The following ZSCAN20 variants were observed in gnomAD, a reference collection of about 807,000 sequenced individuals.
The protein encoded by ZSCAN20 is zinc finger and SCAN domain containing 20, also known as zinc finger and SCAN domain-containing protein 20.
Under a neutral mutation model 97.1 loss-of-function variants are expected in ZSCAN20, and 39 were observed. The observed-to-expected ratio is 0.40, with a 90% confidence interval of 0.31 to 0.52. ZSCAN20 has a LOEUF of 0.52. Among genes scored for constraint, ZSCAN20 ranks in the 20% least tolerant of loss-of-function variants. The pLI, the probability that ZSCAN20 is intolerant of heterozygous loss-of-function variation, is 0.49. For missense variants in ZSCAN20, 1,115 were observed against 1,290.4 expected, an observed-to-expected ratio of 0.86 and a Z score of 2.08; for synonymous variants, 456 against 467.3, an observed-to-expected ratio of 0.98 and a Z score of 0.31.
rs772315791 is a variant in ZSCAN20, at chr1:33,495,104, C to T, written c.2760C>T (p.Asn920=). The change falls in exon 8 of 8, where the codon AAC becomes AAT. Residue 920 remains asparagine, a synonymous_variant. Coordinates refer to ENST00000684572, the MANE Select transcript of ZSCAN20 (RefSeq NM_001377376.1). ...KSFSKSSTLA[N]HQRTHTGEKP... ...TCAGTAAGAGCTCCACCCTGGCCAACCACCAGCGCACCCACACTGGAGAGA... is the reference window on the plus strand; with the variant it reads ...TCAGTAAGAGCTCCACCCTGGCCAATCACCAGCGCACCCACACTGGAGAGA... The T allele has an allele frequency of 6.2e-7, 1 of 1,612,726 alleles. No homozygotes were observed. Among genetic ancestry groups the T allele is most frequent in the Non-Finnish European group, 8.5e-7 (1 of 1,179,044 alleles).
intron 2 of ZSCAN20, among the ~76,000 whole-genome samples, chr1:33,485,393 A>T (rs1652322513): frequency 6.6e-6 from 1 of 151,776 alleles, no homozygotes; most frequent in Non-Finnish European, 1.5e-5. Flanking sequence ...TGATATTAAT[A>T]ATTTGTCTTC....
Position 33,495,407 on chromosome 1 carries a change from CAA to C in ZSCAN20, c.3065_3066del (p.Lys1022ArgfsTer52). 3.1e-6 allele frequency: 5 copies of C among 1,597,098 alleles called. No individual in the cohort carries two copies. Among genetic ancestry groups the C allele is most frequent in the Non-Finnish European group, 4.3e-6 (5 of 1,171,284 alleles). ...AACCCTACAAGTGCACAGAGTGTGG[CAA>C]AGACTTCAACAACAGTTCCCACTTC... ...EKPYKCTECG[K>X]DFNNSSHFSA... On this transcript the variant is annotated frameshift_variant, in exon 8 of 8. Coordinates refer to ENST00000684572, the MANE Select transcript of ZSCAN20 (RefSeq NM_001377376.1). LOFTEE classifies it high-confidence loss of function.
intron 2 of ZSCAN20, among the ~76,000 whole-genome samples, chr1:33,487,867 G>A (rs1652431558): frequency 6.6e-6 from 1 of 151,954 alleles, no homozygotes; most frequent in Non-Finnish European, 1.5e-5. Flanking sequence ...GCCCAGGCTG[G>A]TCTTGAACCC....
At chr1:33,475,047 G>A (rs1651868391) in intron 1 of ZSCAN20, among the ~76,000 whole-genome samples, 1 of 152,196 alleles carries the variant, frequency 6.6e-6, no homozygotes, top group Admixed American at 6.5e-5. Context: ...CTGATTAGTG[G>A]CAGGAGTGGA....
At position 33,491,734 on chromosome 1, in the gene ZSCAN20, T is replaced by C; in HGVS notation, c.1444+32T>C. The C allele has an allele frequency of 6.5e-7, 1 of 1,528,926 alleles. No homozygotes were observed. The highest frequency in any genetic ancestry group is 8.8e-7 in the Non-Finnish European group (1 of 1,140,126). 94.7% of individuals were successfully genotyped at this position (1,528,926 alleles called of 1,614,324 possible). On this transcript the variant is annotated intron_variant, in intron 6 of 7. Transcript: ENST00000684572. The surrounding 1 kb of genome is among the most constrained non-coding windows in gnomAD (Gnocchi z 4.3). Reference sequence around the variant, plus strand: ...ACATGGGGGTTTAGTCAGATTCAGATTTCCAACCCTCCTACCAGCTAGACT... The same window carrying C: ...ACATGGGGGTTTAGTCAGATTCAGACTTCCAACCCTCCTACCAGCTAGACT...
At chr1:33,479,836 A>G in intron 2 of ZSCAN20, 131 bp downstream of exon 2, 2 of 984,882 alleles carry the variant, frequency 2.0e-6, no homozygotes, top group Non-Finnish European at 2.9e-6. Flanking sequence ...ATTGACCACT[A>G]CTGTATACCA....
At position 33,489,113 on chromosome 1, in the gene ZSCAN20, A is replaced by G; in HGVS notation, c.605-2A>G. ...GTTTCAGTGACTTTTTCTTTTCCTC[A>G]GCTGTCCTCACTCCCCGAGTCCCTA... On this transcript the variant is annotated splice_acceptor_variant, in intron 3 of 7. Transcript: ENST00000684572. LOFTEE classifies it high-confidence loss of function. 2.5e-6 allele frequency: 4 copies of G among 1,609,654 alleles called. No homozygotes were observed. The highest frequency in any genetic ancestry group is 3.4e-6 in the Non-Finnish European group (4 of 1,176,906).
intron 2 of ZSCAN20, among the ~76,000 whole-genome samples, chr1:33,484,070 A>G (rs918275163): frequency 6.6e-6 from 1 of 152,238 alleles, no homozygotes; most frequent in Non-Finnish European, 1.5e-5. Flanking sequence ...CAGCCTTGCT[A>G]TAACTGCTTA....
chr1:33,473,592 A>T (rs1019949109), intron 1 of ZSCAN20, among the ~76,000 whole-genome samples: 1 of 152,126 alleles, frequency 6.6e-6, no homozygotes, highest in Non-Finnish European at 1.5e-5. Flanking sequence ...TTGGTTTTCC[A>T]TCATTATATA....
chr1:33,493,663 GA>G lies in ZSCAN20; in HGVS notation c.1873+49del, dbSNP rs757098795. On this transcript the variant is annotated intron_variant, in intron 7 of 7. Coordinates refer to ENST00000684572, the MANE Select transcript of ZSCAN20 (RefSeq NM_001377376.1). The surrounding 1 kb of genome is among the most constrained non-coding windows in gnomAD (Gnocchi z 4.3). Reference sequence around the variant, plus strand: ...TTCTCAAAATCTGTGGGCATGTGGAGAGAATGAGGAAGCCAGGCTCATTATC... The same window carrying G: ...TTCTCAAAATCTGTGGGCATGTGGAGGAATGAGGAAGCCAGGCTCATTATC... The G allele has an allele frequency of 6.7e-7, 1 of 1,498,244 alleles. No individual in the cohort carries two copies. 92.8% of individuals were successfully genotyped at this position (1,498,244 alleles called of 1,614,324 possible). A position where few individuals can be genotyped will look rare whatever the true frequency, so the allele number is the denominator to read the frequency against.
chr1:33,489,165 G>A lies in ZSCAN20; in HGVS notation c.655G>A (p.Asp219Asn). ...PTLPKMGSVG[D>N]WEVTAESQEA... ...TCTCCCAAAGATGGGGAGCGTTGGAGATTGGGAGGTGACAGCTGAGTCCCA... is the reference window on the plus strand; with the variant it reads ...TCTCCCAAAGATGGGGAGCGTTGGAAATTGGGAGGTGACAGCTGAGTCCCA... Residue 219 changes from aspartate to asparagine, a missense_variant, in exon 4 of 8, where the codon GAT becomes AAT. Asp to Asn is a conservative substitution (Grantham distance 23). Transcript: ENST00000684572. 2 of 1,613,880 alleles carry A rather than the reference G, an allele frequency of 1.2e-6. No individual in the cohort carries two copies.
In ZSCAN20 at chr1:33,498,063, G is replaced by A. The variant is rs1176352920; in HGVS notation, c.*2587G>A. 6.6e-6 allele frequency among the ~76,000 whole-genome samples: 1 copy of A among 152,158 alleles called. No homozygotes were observed. Among genetic ancestry groups the A allele is most frequent in the Non-Finnish European group, 1.5e-5 (1 of 68,030 alleles). On this transcript the variant is annotated 3_prime_UTR_variant, in exon 8 of 8. Transcript: ENST00000684572. ...TAGGACAGAGCTACTTGATAGTGCT[G>A]AATGGAGAGGAAGATGGCCCTCAAA... is the stretch of plus-strand genomic sequence containing the variant.
At chr1:33,480,414 C>A (rs1307590672) in intron 2 of ZSCAN20, among the ~76,000 whole-genome samples, 1 of 152,198 alleles carries the variant, frequency 6.6e-6, no homozygotes, top group South Asian at 2.1e-4. Flanking sequence ...TAGACCAGAG[C>A]CTAAAGCCAA....
rs145069799 is a variant in ZSCAN20, at chr1:33,482,962, G to A, written c.417+3257G>A. 3.2e-3 allele frequency among the ~76,000 whole-genome samples: 486 copies of A among 152,222 alleles called. 3 individuals are homozygous for A. Among genetic ancestry groups the A allele is most frequent in the African/African-American group, 0.011 (465 of 41,536 alleles). ...GAGTTCTTTGTATGTTCGGGGTAACGGTCCTTTATCAGATATGTGTTTTGC... is the reference window on the plus strand; with the variant it reads ...GAGTTCTTTGTATGTTCGGGGTAACAGTCCTTTATCAGATATGTGTTTTGC... On this transcript the variant is annotated intron_variant, in intron 2 of 7. Coordinates refer to ENST00000684572, the MANE Select transcript of ZSCAN20 (RefSeq NM_001377376.1).
chr1:33,493,671 G>A lies in ZSCAN20; in HGVS notation c.1873+56G>A. ...ATCTGTGGGCATGTGGAGAGAATGA[G>A]GAAGCCAGGCTCATTATCTTTTGTC... On this transcript the variant is annotated intron_variant, in intron 7 of 7. Coordinates refer to ENST00000684572, the MANE Select transcript of ZSCAN20 (RefSeq NM_001377376.1). This position sits in a 1 kb window ranked among gnomAD's most constrained non-coding sequence, Gnocchi z 4.3. 1 of 1,484,850 alleles carries A rather than the reference G, an allele frequency of 6.7e-7. No homozygotes were observed. Among genetic ancestry groups the A allele is most frequent in the Non-Finnish European group, 9.0e-7 (1 of 1,113,956 alleles). 92.0% of individuals were successfully genotyped at this position (1,484,850 alleles called of 1,614,324 possible).
chr1:33,494,603 C>G lies in ZSCAN20; in HGVS notation c.2259C>G (p.Leu753=). 1.2e-6 allele frequency: 2 copies of G among 1,613,986 alleles called. No homozygotes were observed. The highest frequency in any genetic ancestry group is 1.7e-6 in the Non-Finnish European group (2 of 1,179,856). Residue 753 remains leucine (L), a synonymous_variant, in exon 8 of 8, where the codon CTC becomes CTG. Transcript: ENST00000684572. Reference sequence around the variant, plus strand: ...AAAACTTTAGTGACCGCTCTAACCTCAATACCCATCAGAGAATCCACACTG... The same window carrying G: ...AAAACTTTAGTGACCGCTCTAACCTGAATACCCATCAGAGAATCCACACTG... ...CGKNFSDRSN[L]NTHQRIHTGE...
rs368697640 is a variant in ZSCAN20, at chr1:33,493,495, G to A, written c.1753G>A (p.Ala585Thr). 11 of 1,614,202 alleles carry A rather than the reference G, an allele frequency of 6.8e-6. No homozygotes were observed. In the East Asian group the frequency reaches 2.5e-4, roughly 36 times the overall value. ...GGCCATGGGGACTGTCCGAGAGGCTGCAGGTCTCCCTAGGTGTGGGCAGAG... is the reference window on the plus strand; with the variant it reads ...GGCCATGGGGACTGTCCGAGAGGCTACAGGTCTCCCTAGGTGTGGGCAGAG... Reference protein sequence around the residue: ...VRAMGTVREAAGLPRCGQSSA... With the variant: ...VRAMGTVREATGLPRCGQSSA... Residue 585 changes from alanine (A) to threonine (T), a missense_variant, in exon 7 of 8, where the codon GCA (alanine) becomes ACA (threonine). Coordinates refer to ENST00000684572, the MANE Select transcript of ZSCAN20 (RefSeq NM_001377376.1). The surrounding 1 kb of genome is among the most constrained non-coding windows in gnomAD (Gnocchi z 4.3).
rs1336492870 is a variant in ZSCAN20, at chr1:33,497,702, A to C, written c.*2226A>C. On this transcript the variant is annotated 3_prime_UTR_variant, in exon 8 of 8. Coordinates refer to ENST00000684572, the MANE Select transcript of ZSCAN20 (RefSeq NM_001377376.1). ...TAAAGGCTAGGGTCTGAACTAGAGC[A>C]GTGGTGACACTGAGGAGGAGGGAAT... Among the ~76,000 whole-genome samples, 1 of 152,146 alleles carries C rather than the reference A, an allele frequency of 6.6e-6. No individual in the cohort carries two copies. The highest frequency in any genetic ancestry group is 1.5e-5 in the Non-Finnish European group (1 of 67,984).
chr1:33,489,545 G>A lies in ZSCAN20; in HGVS notation c.709G>A (p.Glu237Lys). Residue 237 changes from glutamate (E) to lysine (K), a missense_variant, in exon 5 of 8, where the codon GAG becomes AAG. Glu to Lys is a moderately conservative substitution (Grantham distance 56). This residue lies in a region of ZSCAN20 where 508 missense variants were observed against 611.2 expected (regional missense o/e 0.83). Coordinates refer to ENST00000684572, the MANE Select transcript of ZSCAN20 (RefSeq NM_001377376.1). ...QEALGPGKHA[E>K]KELCKDPPGD... ...AGCCCTGGGCCCTGGCAAACATGCT[G>A]AGAAGGAGCTCTGTAAAGACCCCCC... is the stretch of plus-strand genomic sequence containing the variant. The A allele has an allele frequency of 1.2e-6, 2 of 1,614,152 alleles. No homozygotes were observed. The highest frequency in any genetic ancestry group is 1.7e-6 in the Non-Finnish European group (2 of 1,180,022).
Sources: gnomAD v4.1 joint callset for allele counts (sites outside exome capture counted in the v4.1 genomes callset) on GRCh38, gnomAD v4.1.1 for gene constraint, gnomAD v4.1.1 regional missense constraint, Gnocchi (gnomAD v3.1) non-coding constraint, MANE v1.5 for transcripts, NCBI Gene and HGNC (gene_info 2026-07-23, HGNC 2026-07-21) for gene names.